Variants in ADGRL3 observed in about 807,000 individuals in gnomAD.
ADGRL3 encodes the protein calcium-independent alpha-latrotoxin receptor 3.
A neutral mutation model predicts 153.5 loss-of-function variants in ADGRL3; 62 were observed. The observed-to-expected ratio is 0.40, with a 90% CI of 0.33 to 0.50. The LOEUF (loss-of-function observed/expected upper bound fraction) is 0.50, where lower values mean the gene tolerates loss of function less well. ADGRL3 is among the 20% of genes least tolerant of loss of function. The probability of loss-of-function intolerance (pLI) is 0.47; values close to 1 mark genes in which losing one functional copy is unlikely to be tolerated. For synonymous variants in ADGRL3, 710 were observed against 672.5 expected (o/e 1.06, Z -0.86); for missense variants, 1,641 against 1,859.4 (o/e 0.88, Z 2.16).
intron 8 of ADGRL3, among the ~76,000 whole-genome samples, chr4:61,793,533 A>G (rs2097370247): frequency 6.6e-6 from 1 of 152,178 alleles, no homozygotes; most frequent in Non-Finnish European, 1.5e-5. Context: ...GGTCCCTCCC[A>G]CAGCATGTGG....
At chr4:61,994,256 T>G (rs2151014646) in intron 19 of ADGRL3, among the ~76,000 whole-genome samples, 1 of 152,240 alleles carries the variant, frequency 6.6e-6, no homozygotes, top group East Asian at 1.9e-4. Context: ...CAAGCCATCC[T>G]TCCACTTCAG....
chr4:61,817,294 G>T (rs749024267), intron 9 of ADGRL3, among the ~76,000 whole-genome samples: 16 of 152,188 alleles, frequency 1.1e-4, no homozygotes, highest in Non-Finnish European at 2.9e-5. Context: ...GAAGCCTGTG[G>T]GTTGGGCTGC....
intron 2 of ADGRL3, among the ~76,000 whole-genome samples, chr4:61,450,110 G>T (rs2097655796): frequency 6.6e-6 from 1 of 152,026 alleles, no homozygotes; most frequent in Admixed American, 6.6e-5. Flanking sequence ...GGGACGGTGT[G>T]GTATACAGTC....
intron 21 of ADGRL3, 143 bp downstream of exon 21, chr4:61,998,408 A>G (rs569226452): frequency 1.8e-4 from 80 of 444,842 alleles, no homozygotes; most frequent in Middle Eastern, 5.8e-4. Context: ...TTGATTGACT[A>G]TCAAAGTGAC....
At chr4:61,959,453 TAA>T (rs2098979884) in intron 17 of ADGRL3, among the ~76,000 whole-genome samples, 1 of 152,158 alleles carries the variant, frequency 6.6e-6, no homozygotes, top group East Asian at 1.9e-4. Flanking sequence ...GTATTTTTTT[TAA>T]AGATTACTAT....
At chr4:62,010,962 A>G (rs2099183526) in intron 21 of ADGRL3, among the ~76,000 whole-genome samples, 1 of 152,156 alleles carries the variant, frequency 6.6e-6, no homozygotes, top group Non-Finnish European at 1.5e-5. Context: ...CTTTAATGAT[A>G]TTTAGTTTCA....
intron 2 of ADGRL3, among the ~76,000 whole-genome samples, chr4:61,460,144 C>A (rs1425965746): frequency 6.6e-6 from 1 of 151,954 alleles, no homozygotes; most frequent in Non-Finnish European, 1.5e-5. Context: ...GCCATAAAAT[C>A]TTTGCCTAGA....
intron 21 of ADGRL3, among the ~76,000 whole-genome samples, chr4:62,007,356 TTATATATATATATA>T (rs71666906): frequency 9.7e-5 from 3 of 30,918 alleles, no homozygotes; most frequent in African/African-American, 3.7e-4. Context: ...GACAAAATGA[TTATATATATATATA>T]TATATATATA....
At chr4:62,058,350 G>A (rs1459306956) in intron 25 of ADGRL3, among the ~76,000 whole-genome samples, 1 of 151,970 alleles carries the variant, frequency 6.6e-6, no homozygotes, top group African/African-American at 2.4e-5. Context: ...ATTAGGAGCT[G>A]GACAATTGAC....
At chr4:61,370,196 A>C (rs2151689811) in intron 1 of ADGRL3, among the ~76,000 whole-genome samples, 1 of 151,718 alleles carries the variant, frequency 6.6e-6, no homozygotes, top group Non-Finnish European at 1.5e-5. Context: ...GGATTCATTA[A>C]TTTTTTGAAG....
intron 4 of ADGRL3, chr4:61,579,705 A>T (rs1003875680): frequency 1.2e-4 from 49 of 410,620 alleles, no homozygotes; most frequent in Non-Finnish European, 1.9e-4. Flanking sequence ...ATATTAAAAC[A>T]TCTGAATTTC....
intron 8 of ADGRL3, among the ~76,000 whole-genome samples, chr4:61,734,729 T>C (rs181760813): frequency 1.8e-4 from 27 of 152,280 alleles, no homozygotes; most frequent in Admixed American, 3.3e-4. Flanking sequence ...CAAGATAAAG[T>C]ATAATGGAAA....
intron 1 of ADGRL3, among the ~76,000 whole-genome samples, chr4:61,381,635 A>G (rs2096670106): frequency 6.6e-6 from 1 of 151,898 alleles, no homozygotes; most frequent in African/African-American, 2.4e-5. Context: ...AGGGAAAAAA[A>G]TAAAAGATCT....
chr4:61,555,725 G>A (rs1396912572), intron 4 of ADGRL3, among the ~76,000 whole-genome samples: 1 of 152,198 alleles, frequency 6.6e-6, no homozygotes, highest in African/African-American at 2.4e-5. Context: ...AAGCAGCCCT[G>A]AAGGCTGTTG....
At chr4:61,490,477 A>C (rs2098246396) in intron 2 of ADGRL3, among the ~76,000 whole-genome samples, 1 of 152,124 alleles carries the variant, frequency 6.6e-6, no homozygotes, top group Non-Finnish European at 1.5e-5. Context: ...TAAATTAACA[A>C]AGAAACACAC....
chr4:61,672,312 C>T (rs780485903), intron 5 of ADGRL3, among the ~76,000 whole-genome samples: 7 of 151,996 alleles, frequency 4.6e-5, no homozygotes, highest in Non-Finnish European at 7.4e-5. Flanking sequence ...AGAGTCAGTC[C>T]TTTCCTCATT....
chr4:61,958,290 T>C (rs1280640703), intron 17 of ADGRL3, among the ~76,000 whole-genome samples: 1 of 152,200 alleles, frequency 6.6e-6, no homozygotes, highest in East Asian at 1.9e-4. Flanking sequence ...ATAAGACCTC[T>C]TACATATCCA....
At chr4:61,962,724 G>A (rs888332891) in intron 17 of ADGRL3, among the ~76,000 whole-genome samples, 1 of 151,976 alleles carries the variant, frequency 6.6e-6, no homozygotes, top group Non-Finnish European at 1.5e-5. Context: ...TGGATCACTT[G>A]GTTAAAAAGT....
chr4:61,844,036 A>AG (rs1346067588), intron 9 of ADGRL3, among the ~76,000 whole-genome samples: 1 of 148,854 alleles, frequency 6.7e-6, no homozygotes, highest in East Asian at 2.0e-4. Flanking sequence ...AAAAAAAAAA[A>AG]TCAACAGTAG....
Sources: allele counts gnomAD v4.1 joint callset (sites outside exome capture counted in the v4.1 genomes callset), GRCh38; gene constraint gnomAD v4.1.1; transcripts MANE v1.5; gene names NCBI Gene and HGNC (gene_info 2026-07-23, HGNC 2026-07-21).